Variants in GAB1 observed in about 807,000 individuals in gnomAD.
GAB1 encodes the protein GRB2 associated binding protein 1.
Under a neutral mutation model 66.5 loss-of-function variants are expected in GAB1, and 19 were observed. The ratio of observed to expected loss-of-function variants is 0.29; its 90% CI spans 0.20 to 0.42. The LOEUF (loss-of-function observed/expected upper bound fraction) is 0.42, where lower values mean the gene tolerates loss of function less well. GAB1 is among the 10% of genes least tolerant of loss of function. GAB1 has a pLI of 1.00. For missense variants in GAB1, 732 were observed against 858.5 expected (o/e 0.85, Z 1.84); for synonymous variants, 294 against 301.4 (o/e 0.98, Z 0.25).
intron 6 of GAB1, among the ~76,000 whole-genome samples, chr4:143,453,793 A>C (rs186561511): frequency 6.6e-6 from 1 of 152,176 alleles, no homozygotes; most frequent in Admixed American, 6.5e-5. Context: ...TCTACCAGTC[A>C]TCATCTGTGT....
At chr4:143,455,534 G>A (rs28925929) in intron 6 of GAB1, among the ~76,000 whole-genome samples, 2,335 of 152,240 alleles carry the variant, frequency 0.015, 58 homozygotes, top group African/African-American at 0.054. Context: ...TAATGAAAAC[G>A]GATCTTTCAG....
At chr4:143,338,712 G>GGTGTGTGTGTGTGTGTGTGTGT (rs56381817) in intron 1 of GAB1, among the ~76,000 whole-genome samples, 204 of 149,280 alleles carry the variant, frequency 1.4e-3, no homozygotes, top group Middle Eastern at 3.4e-3. Flanking sequence ...GAAAGGTAGG[G>GGTGTGTGTGTGTGTGTGTGTGT]GTGTGTGTGT....
At chr4:143,428,596 GCTT>G (rs2149739286) in intron 2 of GAB1, among the ~76,000 whole-genome samples, 1 of 152,204 alleles carries the variant, frequency 6.6e-6, no homozygotes, top group South Asian at 2.1e-4. Context: ...CATCCCCTTA[GCTT>G]CTTCTGAGCT....
intron 1 of GAB1, among the ~76,000 whole-genome samples, chr4:143,364,754 C>T (rs1168152870): frequency 6.6e-6 from 1 of 151,902 alleles, no homozygotes; most frequent in Non-Finnish European, 1.5e-5. Flanking sequence ...TGCTTGTTCA[C>T]TCCCCGCGTC....
At chr4:143,368,456 A>T (rs1330909653) in intron 1 of GAB1, among the ~76,000 whole-genome samples, 1 of 152,226 alleles carries the variant, frequency 6.6e-6, no homozygotes, top group Non-Finnish European at 1.5e-5. Context: ...AGTAGGAATT[A>T]TAAAAGCTTT....
chr4:143,453,485 A>G (rs1400221846), intron 6 of GAB1, among the ~76,000 whole-genome samples: 1 of 152,178 alleles, frequency 6.6e-6, no homozygotes, highest in Non-Finnish European at 1.5e-5. Context: ...ATCTTTAAAA[A>G]TTACTTAATC....
At chr4:143,452,632 T>C (rs773432183) in intron 6 of GAB1, among the ~76,000 whole-genome samples, 19 of 152,236 alleles carry the variant, frequency 1.2e-4, no homozygotes, top group Non-Finnish European at 2.6e-4. Context: ...TTTCTTATTT[T>C]AAAATGTAAA....
At chr4:143,455,671 C>T (rs534664744) in intron 6 of GAB1, among the ~76,000 whole-genome samples, 1 of 152,270 alleles carries the variant, frequency 6.6e-6, no homozygotes, top group East Asian at 1.9e-4. Flanking sequence ...GTAGATGTCC[C>T]CCCAAGCCAC....
In GAB1 at chr4:143,439,860, T is replaced by C; in HGVS notation, c.1254T>C (p.Ser418=). The part of the protein sequence containing the change: ...IPRAFPSDRS[S]SLEGFHNHFK... ...GAGCATTTCCAAGTGATAGATCTAG[T>C]TCACTTGAAGGCTTCCATAACCACT... Residue 418 remains serine, a synonymous_variant, in exon 5 of 10, where the codon AGT becomes AGC. Transcript: ENST00000262994. 1 of 1,612,708 alleles carries C rather than the reference T, an allele frequency of 6.2e-7. No homozygotes were observed. Among genetic ancestry groups the C allele is most frequent in the East Asian group, 2.2e-5 (1 of 44,844 alleles).
At chr4:143,375,936 C>T (rs1002342687) in intron 1 of GAB1, among the ~76,000 whole-genome samples, 5 of 152,134 alleles carry the variant, frequency 3.3e-5, no homozygotes, top group African/African-American at 4.8e-5. Flanking sequence ...GCAAAATAGC[C>T]GCCCCCTAAT....
intron 1 of GAB1, among the ~76,000 whole-genome samples, chr4:143,361,066 G>A (rs1729644078): frequency 1.3e-5 from 2 of 152,034 alleles, no homozygotes; most frequent in South Asian, 4.2e-4. Context: ...TGGCATCACT[G>A]TTTCTGTTGG....
intron 1 of GAB1, among the ~76,000 whole-genome samples, chr4:143,404,573 G>A (rs1395696148): frequency 6.6e-6 from 1 of 152,142 alleles, no homozygotes; most frequent in Non-Finnish European, 1.5e-5. Context: ...AACCCACTGA[G>A]ACCTCATCTC....
intron 1 of GAB1, among the ~76,000 whole-genome samples, chr4:143,352,354 A>C (rs1261958639): frequency 6.6e-6 from 1 of 152,200 alleles, no homozygotes; most frequent in Non-Finnish European, 1.5e-5. Context: ...GATGTCTCAT[A>C]TTCAGCCCAC....
chr4:143,383,519 G>A (rs886391500), intron 1 of GAB1, among the ~76,000 whole-genome samples: 13 of 152,212 alleles, frequency 8.5e-5, no homozygotes, highest in Non-Finnish European at 1.0e-4. Flanking sequence ...AAAATTACTT[G>A]TAACTCTACT....
chr4:143,447,676 G>C (rs1003039432), intron 6 of GAB1, among the ~76,000 whole-genome samples: 4 of 152,162 alleles, frequency 2.6e-5, no homozygotes, highest in African/African-American at 4.8e-5. Context: ...ATCAGCTTAA[G>C]GAGATTTTGA....
intron 1 of GAB1, among the ~76,000 whole-genome samples, chr4:143,372,334 A>G (rs1040792508): frequency 1.2e-4 from 19 of 152,180 alleles, no homozygotes; most frequent in Non-Finnish European, 2.8e-4. Flanking sequence ...TTTAACAGGC[A>G]TTCACTTATT....
chr4:143,443,355 G>A (rs761202749), intron 6 of GAB1, among the ~76,000 whole-genome samples: 1 of 152,092 alleles, frequency 6.6e-6, no homozygotes, highest in South Asian at 2.1e-4. Flanking sequence ...ATACAGGAGA[G>A]GAGGCTTGAG....
chr4:143,452,017 G>A (rs1000235300), intron 6 of GAB1, among the ~76,000 whole-genome samples: 4 of 152,172 alleles, frequency 2.6e-5, no homozygotes, highest in Admixed American at 1.3e-4. Flanking sequence ...TTAGGGTTGT[G>A]TGAAATCGTG....
chr4:143,410,397 T>C (rs1034517607), intron 1 of GAB1, among the ~76,000 whole-genome samples: 7 of 152,184 alleles, frequency 4.6e-5, no homozygotes, highest in Non-Finnish European at 7.3e-5. Context: ...TAGGCAAAAT[T>C]TGTGAATTTG....
Sources: gnomAD v4.1 joint callset for allele counts (sites outside exome capture counted in the v4.1 genomes callset) on GRCh38, gnomAD v4.1.1 for gene constraint, MANE v1.5 for transcripts, NCBI Gene and HGNC (gene_info 2026-07-23, HGNC 2026-07-21) for gene names.